Variants in FAM193A observed in about 807,000 individuals in gnomAD.
FAM193A encodes family with sequence similarity 193 member A, also known as protein FAM193A.
A neutral mutation model predicts 126.5 loss-of-function variants in FAM193A; 22 were observed. The ratio of observed to expected loss-of-function variants is 0.17; its 90% CI spans 0.12 to 0.25. FAM193A has a LOEUF of 0.25. Among genes scored for constraint, FAM193A ranks in the 10% least tolerant of loss-of-function variants. The pLI is 1.00. For missense variants in FAM193A, 1,675 were observed against 1,672.8 expected (o/e 1.00, Z -0.02); for synonymous variants, 761 against 646.8 (o/e 1.18, Z -2.68).
chr4:2,557,809 A>C (rs1388214185), intron 1 of FAM193A, among the ~76,000 whole-genome samples: 1 of 152,044 alleles, frequency 6.6e-6, no homozygotes, highest in East Asian at 1.9e-4. Flanking sequence ...AAAATTAGCC[A>C]GGTGTGGTGG....
intron 5 of FAM193A, among the ~76,000 whole-genome samples, chr4:2,638,421 G>A (rs1275710455): frequency 6.6e-6 from 1 of 152,206 alleles, no homozygotes; most frequent in Admixed American, 6.6e-5. Context: ...CTCCTGCCAC[G>A]TGCATTTTTC....
chr4:2,565,263 T>TC (rs1332902740), intron 1 of FAM193A, among the ~76,000 whole-genome samples: 1 of 38,548 alleles, frequency 2.6e-5, no homozygotes, highest in African/African-American at 8.8e-5. Context: ...CCTTTTTTTT[T>TC]TTTTTTTTTT....
At chr4:2,640,035 T>TA (rs201122465) in intron 6 of FAM193A, among the ~76,000 whole-genome samples, 176 bp downstream of exon 6, 2,534 of 135,610 alleles carry the variant, frequency 0.019, 36 homozygotes, top group Non-Finnish European at 0.028. Context: ...GCAATACAAT[T>TA]AAACTTTTAA....
chr4:2,674,206 C>G (rs80300805), intron 13 of FAM193A, among the ~76,000 whole-genome samples: 1 of 152,140 alleles, frequency 6.6e-6, no homozygotes, highest in Admixed American at 6.5e-5. Context: ...TGAAAATGTT[C>G]GTTTCTGTAA....
intron 18 of FAM193A, among the ~76,000 whole-genome samples, chr4:2,699,349 C>G (rs907951112): frequency 6.6e-6 from 1 of 151,854 alleles, no homozygotes; most frequent in Non-Finnish European, 1.5e-5. Flanking sequence ...AGCTGACTCC[C>G]TGGATGTGTG....
chr4:2,569,914 T>G (rs2108856393), intron 1 of FAM193A, among the ~76,000 whole-genome samples: 1 of 152,266 alleles, frequency 6.6e-6, no homozygotes, highest in East Asian at 1.9e-4. Flanking sequence ...ATTTATATAT[T>G]TATCTCTAGA....
intron 5 of FAM193A, 116 bp from the exon 6 acceptor site, chr4:2,639,619 A>C: frequency 1.7e-6 from 1 of 605,902 alleles, no homozygotes; most frequent in Non-Finnish European, 2.6e-6. Flanking sequence ...GCCTGTGAAG[A>C]GGGATGTGTG....
chr4:2,640,628 A>G (rs1281857524), intron 6 of FAM193A, among the ~76,000 whole-genome samples: 2 of 152,142 alleles, frequency 1.3e-5, no homozygotes, highest in Non-Finnish European at 2.9e-5. Context: ...ACATTCCCAT[A>G]ATACAGACCC....
intron 7 of FAM193A, chr4:2,654,975 G>A: frequency 1.9e-6 from 1 of 537,766 alleles, no homozygotes; most frequent in Non-Finnish European, 3.4e-6. Context: ...TGGGAGTCTA[G>A]GAAATCACGG....
At chr4:2,652,656 C>T (rs1745788366) in intron 7 of FAM193A, among the ~76,000 whole-genome samples, 2 of 152,124 alleles carry the variant, frequency 1.3e-5, no homozygotes, top group East Asian at 1.9e-4. Flanking sequence ...AATCTGCCCC[C>T]ATGATCTGAT....
intron 13 of FAM193A, 41 bp downstream of exon 13, chr4:2,672,413 T>A: frequency 6.2e-7 from 1 of 1,608,468 alleles, no homozygotes; most frequent in Non-Finnish European, 8.5e-7. Context: ...CACTCTTCAC[T>A]GAGATCCTAC....
At chr4:2,707,112 A>T (rs955849090) in intron 19 of FAM193A, among the ~76,000 whole-genome samples, 3 of 151,408 alleles carry the variant, frequency 2.0e-5, no homozygotes, top group African/African-American at 7.3e-5. Flanking sequence ...ACAGAGTGAG[A>T]CTCTGTCTCC....
At chr4:2,603,360 A>G (rs567745864) in intron 2 of FAM193A, among the ~76,000 whole-genome samples, 4 of 144,622 alleles carry the variant, frequency 2.8e-5, no homozygotes, top group Non-Finnish European at 3.0e-5. Flanking sequence ...TTTCGGCTCA[A>G]CGCAACCTCC....
chr4:2,630,908 G>GC (rs754367808), intron 4 of FAM193A, 27 bp from the exon 5 acceptor site: 1 of 1,372,732 alleles, frequency 7.3e-7, no homozygotes, highest in South Asian at 1.2e-5. Context: ...TGGTGGGCAG[G>GC]CCCTGGTGAC....
chr4:2,696,138 G>A, intron 17 of FAM193A: 1 of 465,844 alleles, frequency 2.1e-6, no homozygotes, highest in Non-Finnish European at 3.8e-6. Context: ...GCTTTATCAG[G>A]TTTTTCATGA....
chr4:2,693,313 C>T lies in FAM193A; in HGVS notation c.2804-273C>T, dbSNP rs553256287. Among the ~76,000 whole-genome samples the T allele has an allele frequency of 2.7e-4, 41 of 151,502 alleles. No individual in the cohort carries two copies. The South Asian group carries it at 7.1e-3, about 26-fold the overall frequency. On this transcript the variant is annotated intron_variant, in intron 15 of 20. Transcript: ENST00000637812. ...GATTACAGGCATGAGCCACCACGCCCGGCCAAGAAATTTTTTTTAAAAAAC... is the reference window on the plus strand; with the variant it reads ...GATTACAGGCATGAGCCACCACGCCTGGCCAAGAAATTTTTTTTAAAAAAC...
intron 4 of FAM193A, among the ~76,000 whole-genome samples, chr4:2,630,538 A>G (rs530511004): frequency 6.6e-6 from 1 of 152,170 alleles, no homozygotes; most frequent in African/African-American, 2.4e-5. Flanking sequence ...GTGTCTGAGC[A>G]TGTTGTCTGG....
intron 1 of FAM193A, among the ~76,000 whole-genome samples, chr4:2,549,395 C>CTTTTTTTTTTT (rs869161808): frequency 1.6e-5 from 2 of 122,648 alleles, no homozygotes; most frequent in Non-Finnish European, 1.7e-5. Flanking sequence ...TTCTTTTTTT[C>CTTTTTTTTTTT]TTTTTTTTTT....
intron 13 of FAM193A, among the ~76,000 whole-genome samples, chr4:2,673,549 T>C (rs1364099232): frequency 6.6e-6 from 1 of 152,188 alleles, no homozygotes; most frequent in Non-Finnish European, 1.5e-5. Context: ...TATTGCTCAG[T>C]TTGAACTTTT....
Sources: gnomAD v4.1 joint callset for allele counts (sites outside exome capture counted in the v4.1 genomes callset) on GRCh38, gnomAD v4.1.1 for gene constraint, MANE v1.5 for transcripts, NCBI Gene and HGNC (gene_info 2026-07-23, HGNC 2026-07-21) for gene names.